Variants in RBFOX1 observed in about 807,000 individuals in gnomAD.
RBFOX1 encodes the protein RNA binding protein fox-1 homolog 1.
In RBFOX1, 8 loss-of-function variants were observed where a neutral mutation model predicts 57.7. That is an observed-to-expected ratio of 0.14 (90% CI 0.08 to 0.25). RBFOX1 has a LOEUF of 0.25. Among genes scored for constraint, RBFOX1 ranks in the 10% least tolerant of loss-of-function variants. RBFOX1 has a pLI of 1.00. For missense variants in RBFOX1, 611 were observed against 548.5 expected, an observed-to-expected ratio of 1.11 and a Z score of -1.14; for synonymous variants, 326 against 222.4, an observed-to-expected ratio of 1.47 and a Z score of -4.15.
rs182093795 is a variant in RBFOX1 at position 7,075,644 on chromosome 16, G to A, written c.27+23546G>A. Among the ~76,000 whole-genome samples, 152 of 152,124 alleles carry A rather than the reference G, an allele frequency of 1.0e-3. 1 individual carries two copies. The highest frequency in any genetic ancestry group is 3.6e-3 in the African/African-American group (148 of 41,486). On this transcript the variant is annotated intron_variant, in intron 4 of 15. Coordinates refer to ENST00000550418, the MANE Select transcript of RBFOX1 (RefSeq NM_018723.4). ...TGCGCAGGCTGGAGTGCAGTGGTGC[G>A]ATCTTGGCTCACTGCAAGGTCCGCC...
chr16:7,631,454 A>C (rs941303891), intron 11 of RBFOX1, among the ~76,000 whole-genome samples: 2 of 152,164 alleles, frequency 1.3e-5, no homozygotes, highest in African/African-American at 4.8e-5. Flanking sequence ...AGAAGAATTA[A>C]AGCCGCCACT....
At chr16:5,732,497 G>C (rs1471275068) in intron 3 of RBFOX1, among the ~76,000 whole-genome samples, 2 of 152,184 alleles carry the variant, frequency 1.3e-5, no homozygotes, top group Admixed American at 1.3e-4. Context: ...AAAATGTGCA[G>C]AAATGAGAGA....
At chr16:5,375,916 C>A (rs570856183) in intron 1 of RBFOX1, among the ~76,000 whole-genome samples, 388 of 152,270 alleles carry the variant, frequency 2.5e-3, no homozygotes, top group Middle Eastern at 0.017. Context: ...CCTGTAATCC[C>A]AGCACTTTGG....
chr16:6,230,447 G>T (rs748266391), intron 1 of RBFOX1, among the ~76,000 whole-genome samples: 2 of 152,156 alleles, frequency 1.3e-5, no homozygotes, highest in Non-Finnish European at 2.9e-5. Flanking sequence ...TGGAAGGTCA[G>T]ACCACCGCGT....
chr16:7,186,991 C>CCACACACACA (rs1174221075), intron 4 of RBFOX1, among the ~76,000 whole-genome samples: 4 of 99,988 alleles, frequency 4.0e-5, no homozygotes, highest in African/African-American at 2.1e-4. Flanking sequence ...AACCCCACCT[C>CCACACACACA]CACAAAAAAA....
intron 3 of RBFOX1, among the ~76,000 whole-genome samples, chr16:6,763,008 A>G (rs1367445611): frequency 6.9e-6 from 1 of 145,066 alleles, no homozygotes; most frequent in African/African-American, 2.5e-5. Context: ...AAATAGGAAC[A>G]TGCAAGATAG....
chr16:6,724,601 AAAT>A (rs2154167371), intron 3 of RBFOX1, among the ~76,000 whole-genome samples: 1 of 152,292 alleles, frequency 6.6e-6, no homozygotes, highest in Non-Finnish European at 1.5e-5. Flanking sequence ...AACTATAAGA[AAAT>A]AAATTTCTGT....
intron 3 of RBFOX1, among the ~76,000 whole-genome samples, chr16:6,692,383 G>C (rs527921850): frequency 6.6e-6 from 1 of 152,126 alleles, no homozygotes; most frequent in South Asian, 2.1e-4. Flanking sequence ...TTTGATACCT[G>C]GTATCTCTCC....
chr16:7,139,786 C>T (rs769406103), intron 4 of RBFOX1, among the ~76,000 whole-genome samples: 15 of 151,804 alleles, frequency 9.9e-5, no homozygotes, highest in African/African-American at 3.4e-4. Flanking sequence ...CATCGGTGAG[C>T]TTTCAGGGGG....
chr16:5,251,358 G>A (rs1282012492), intron 1 of RBFOX1, among the ~76,000 whole-genome samples: 2 of 152,264 alleles, frequency 1.3e-5, no homozygotes, highest in African/African-American at 4.8e-5. Flanking sequence ...GCACGTTCAC[G>A]GCGCCGGCCT....
chr16:5,614,804 C>T (rs747265383), intron 3 of RBFOX1, among the ~76,000 whole-genome samples: 7 of 152,064 alleles, frequency 4.6e-5, no homozygotes, highest in Non-Finnish European at 7.4e-5. Flanking sequence ...CAAAAACATC[C>T]GACATTCATT....
intron 4 of RBFOX1, among the ~76,000 whole-genome samples, chr16:6,008,612 A>G (rs2094941305): frequency 1.3e-5 from 2 of 152,282 alleles, no homozygotes; most frequent in South Asian, 2.1e-4. Flanking sequence ...CAGCATGTGT[A>G]TATCCTGACA....
chr16:7,285,000 G>T (rs1407564097), intron 4 of RBFOX1, among the ~76,000 whole-genome samples: 1 of 149,538 alleles, frequency 6.7e-6, no homozygotes, highest in African/African-American at 2.5e-5. Context: ...TTGCCCAATG[G>T]AATGCCGCCT....
At chr16:5,379,490 A>G (rs1039221534) in intron 1 of RBFOX1, among the ~76,000 whole-genome samples, 2 of 147,170 alleles carry the variant, frequency 1.4e-5, no homozygotes, top group Admixed American at 1.3e-4. Flanking sequence ...AGTCATTCAC[A>G]CCTTAGTCTA....
chr16:7,707,719 T>G (rs1009030556), intron 14 of RBFOX1, among the ~76,000 whole-genome samples: 8 of 152,128 alleles, frequency 5.3e-5, no homozygotes, highest in Non-Finnish European at 8.8e-5. Flanking sequence ...AAAACTTATG[T>G]AGGCATTAAA....
intron 3 of RBFOX1, among the ~76,000 whole-genome samples, chr16:5,860,266 A>G (rs540884198): frequency 6.6e-6 from 1 of 152,246 alleles, no homozygotes; most frequent in South Asian, 2.1e-4. Flanking sequence ...TATTTTTAGC[A>G]GAGAAGGGGT....
chr16:6,470,159 T>C lies in RBFOX1; in HGVS notation c.-64+153102T>C, dbSNP rs1399647323. On this transcript the variant is annotated intron_variant, in intron 2 of 15. Coordinates refer to ENST00000550418, the MANE Select transcript of RBFOX1 (RefSeq NM_018723.4). Reference sequence around the variant, plus strand: ...ACCAGATTTAGATACTGCCTCTAGTTGAAATTCCTGCATCCAGGTAGGGCT... The same window carrying C: ...ACCAGATTTAGATACTGCCTCTAGTCGAAATTCCTGCATCCAGGTAGGGCT... Among the ~76,000 whole-genome samples, 8 of 152,228 alleles carry C rather than the reference T, an allele frequency of 5.3e-5. No homozygotes were observed. The East Asian group carries it at 1.5e-3, about 29-fold the overall frequency.
chr16:5,364,027 A>T (rs1170828029), intron 1 of RBFOX1, among the ~76,000 whole-genome samples: 1 of 152,214 alleles, frequency 6.6e-6, no homozygotes. Flanking sequence ...TAGAGTTAGT[A>T]GTTACTCCTT....
At chr16:5,824,052 A>G (rs1159818912) in intron 3 of RBFOX1, among the ~76,000 whole-genome samples, 2 of 152,206 alleles carry the variant, frequency 1.3e-5, no homozygotes, top group African/African-American at 4.8e-5. Context: ...CCTGGTTTCG[A>G]ATCAAGATAT....
Sources: allele counts gnomAD v4.1 joint callset (sites outside exome capture counted in the v4.1 genomes callset), GRCh38; gene constraint gnomAD v4.1.1; transcripts MANE v1.5; gene names NCBI Gene and HGNC (gene_info 2026-07-23, HGNC 2026-07-21).